The following BTRC variants were observed in gnomAD, a reference collection of about 807,000 sequenced individuals.
BTRC encodes the protein F-box/WD repeat-containing protein 1A.
Under a neutral mutation model 85.5 loss-of-function variants are expected in BTRC, and 42 were observed. The observed-to-expected ratio is 0.49, with a 90% confidence interval of 0.38 to 0.64. The LOEUF is 0.64. Ranked by LOEUF, BTRC falls within the 30% of genes least tolerant of loss-of-function variation. BTRC has a pLI of 0.00. For missense variants in BTRC, 594 were observed against 743.5 expected, an observed-to-expected ratio of 0.80 and a Z score of 2.34; for synonymous variants, 255 against 263.3, an observed-to-expected ratio of 0.97 and a Z score of 0.30.
chr10:101,421,794 C>T (rs1016712870), intron 1 of BTRC, among the ~76,000 whole-genome samples: 2 of 151,920 alleles, frequency 1.3e-5, no homozygotes, highest in African/African-American at 4.8e-5. Flanking sequence ...CTACAAAGGG[C>T]ATGAACTTAT....
At chr10:101,449,394 A>G (rs1421422753) in intron 2 of BTRC, among the ~76,000 whole-genome samples, 1 of 152,138 alleles carries the variant, frequency 6.6e-6, no homozygotes, top group African/African-American at 2.4e-5. Flanking sequence ...TGATAAAAAA[A>G]CTACTTAAGA....
intron 1 of BTRC, among the ~76,000 whole-genome samples, chr10:101,363,313 A>G (rs1036493247): frequency 6.6e-6 from 1 of 152,180 alleles, no homozygotes; most frequent in Admixed American, 6.6e-5. Context: ...CGTGCAGTAT[A>G]CTTCCTCTTT....
chr10:101,551,714 G>A (rs537107330), intron 14 of BTRC, among the ~76,000 whole-genome samples: 4 of 152,302 alleles, frequency 2.6e-5, no homozygotes, highest in South Asian at 4.1e-4. Flanking sequence ...GCAGTGTTCC[G>A]CTGAGGACAG....
At chr10:101,374,591 A>G (rs1358393618) in intron 1 of BTRC, among the ~76,000 whole-genome samples, 4 of 133,320 alleles carry the variant, frequency 3.0e-5, no homozygotes, top group African/African-American at 1.1e-4. Context: ...ATGAGATCAC[A>G]TGGACACAGG....
intron 2 of BTRC, among the ~76,000 whole-genome samples, chr10:101,440,483 A>G (rs183132564): frequency 6.6e-6 from 1 of 152,252 alleles, no homozygotes; most frequent in East Asian, 1.9e-4. Context: ...TACTTTGGGA[A>G]GCTGAGGTGG....
At chr10:101,513,290 A>T (rs1010973307) in intron 4 of BTRC, among the ~76,000 whole-genome samples, 3 of 152,208 alleles carry the variant, frequency 2.0e-5, no homozygotes, top group Non-Finnish European at 2.9e-5. Context: ...AAGTTTTTTT[A>T]AAATAACTTT....
In BTRC at chr10:101,554,377, C is replaced by T. The variant is rs150357192; in HGVS notation, c.*1254C>T. 27 of 152,366 alleles carry T rather than the reference C, an allele frequency of 1.8e-4. 1 individual carries two copies. The East Asian group carries it at 5.0e-3, about 28-fold the overall frequency. 9.4% of individuals were successfully genotyped at this position (152,366 alleles called of 1,614,324 possible). On this transcript the variant is annotated 3_prime_UTR_variant, in exon 15 of 15. Transcript: ENST00000370187. ...TTTGCCAAGACCGTGATCAAGGTAG[C>T]TTAAGAGAGATGGTCAGGAGAAAAC...
chr10:101,423,105 G>T (rs1944151779), intron 1 of BTRC, among the ~76,000 whole-genome samples: 1 of 151,742 alleles, frequency 6.6e-6, no homozygotes, highest in South Asian at 2.1e-4. Flanking sequence ...ATAGAGATGG[G>T]GTCTAGTTAT....
chr10:101,428,076 C>T (rs994043003), intron 1 of BTRC, among the ~76,000 whole-genome samples: 13 of 152,004 alleles, frequency 8.6e-5, no homozygotes, highest in African/African-American at 2.2e-4. Context: ...TATTAAGAAC[C>T]GCTGGCAGAG....
chr10:101,384,533 T>TAGTAA (rs1943018807), intron 1 of BTRC, among the ~76,000 whole-genome samples: 1 of 152,220 alleles, frequency 6.6e-6, no homozygotes, highest in Non-Finnish European at 1.5e-5. Flanking sequence ...AAGTTCTGTG[T>TAGTAA]GTTTTTTTAA....
At position 101,535,369 on chromosome 10, in the gene BTRC, A is replaced by G; in HGVS notation, c.1363A>G (p.Thr455Ala). The part of the protein sequence containing the change: ...DRTIKVWNTS[T>A]CEFVRTLNGH... ...TCTTTTTCAGGTATGGAACACAAGT[A>G]CTTGTGAATTTGTAAGGACCTTAAA... The change falls in exon 11 of 15, where the codon ACT (threonine) becomes GCT (alanine). Residue 455 changes from threonine to alanine, a missense_variant. Coordinates refer to ENST00000370187, the MANE Select transcript of BTRC (RefSeq NM_033637.4). The G allele has an allele frequency of 1.9e-6, 3 of 1,613,746 alleles. No individual in the cohort carries two copies. The highest frequency in any genetic ancestry group is 2.5e-6 in the Non-Finnish European group (3 of 1,179,786).
At chr10:101,400,671 C>T (rs927443072) in intron 1 of BTRC, among the ~76,000 whole-genome samples, 3 of 152,200 alleles carry the variant, frequency 2.0e-5, no homozygotes, top group South Asian at 2.1e-4. Context: ...TTTCCTATGA[C>T]GGCCAGCCTG....
At chr10:101,403,318 C>T (rs1304055022) in intron 1 of BTRC, among the ~76,000 whole-genome samples, 1 of 152,094 alleles carries the variant, frequency 6.6e-6, no homozygotes, top group Non-Finnish European at 1.5e-5. Flanking sequence ...CCAGTAAGGC[C>T]CCATAAGGAC....
chr10:101,467,556 T>C (rs897974856), intron 3 of BTRC, among the ~76,000 whole-genome samples: 3 of 152,148 alleles, frequency 2.0e-5, no homozygotes, highest in Admixed American at 6.5e-5. Flanking sequence ...CAAACTATGC[T>C]TAAGGGACTG....
At chr10:101,387,403 G>A (rs1943106660) in intron 1 of BTRC, among the ~76,000 whole-genome samples, 1 of 151,092 alleles carries the variant, frequency 6.6e-6, no homozygotes, top group African/African-American at 2.4e-5. Context: ...CAGTGCTGTA[G>A]AACACTAGGA....
intron 1 of BTRC, among the ~76,000 whole-genome samples, chr10:101,366,369 G>A (rs1390694861): frequency 6.6e-6 from 1 of 152,056 alleles, no homozygotes. Context: ...AACTTCTCTA[G>A]AGCTTCACAA....
chr10:101,373,936 AC>A (rs1942713405), intron 1 of BTRC, among the ~76,000 whole-genome samples: 2 of 142,478 alleles, frequency 1.4e-5, no homozygotes, highest in Non-Finnish European at 3.2e-5. Flanking sequence ...AACAAACAAG[AC>A]AGAAAAAAAA....
intron 1 of BTRC, among the ~76,000 whole-genome samples, chr10:101,417,359 C>T (rs1389003711): frequency 6.6e-6 from 1 of 152,180 alleles, no homozygotes; most frequent in African/African-American, 2.4e-5. Context: ...GATTACACGC[C>T]AGTATCTTGC....
intron 1 of BTRC, among the ~76,000 whole-genome samples, chr10:101,416,267 A>G (rs1242752210): frequency 6.6e-6 from 1 of 151,872 alleles, no homozygotes. Flanking sequence ...GTTGATGGCC[A>G]TTTGAATCTG....
Sources: gnomAD v4.1 joint callset for allele counts (sites outside exome capture counted in the v4.1 genomes callset) on GRCh38, gnomAD v4.1.1 for gene constraint, MANE v1.5 for transcripts, NCBI Gene and HGNC (gene_info 2026-07-23, HGNC 2026-07-21) for gene names.